Variants in VPS13B observed in about 807,000 individuals in gnomAD.
VPS13B encodes intermembrane lipid transfer protein VPS13B.
VPS13B carries 285 observed loss-of-function variants against 426.4 expected under a neutral mutation model. The ratio of observed to expected loss-of-function variants is 0.67; its 90% CI spans 0.61 to 0.74. The LOEUF (loss-of-function observed/expected upper bound fraction) is 0.74. Among genes scored for constraint, VPS13B ranks in the 30% least tolerant of loss-of-function variants. The pLI is 0.00. For synonymous variants in VPS13B, 1,676 were observed against 1,676.4 expected, an observed-to-expected ratio of 1.00 and a Z score of 0.01; for missense variants, 4,537 against 4,782.6, an observed-to-expected ratio of 0.95 and a Z score of 1.51.
intron 19 of VPS13B, chr8:99,340,389 G>T (rs1811176101): frequency 4.4e-6 from 2 of 452,612 alleles, no homozygotes; most frequent in Non-Finnish European, 8.8e-6. Flanking sequence ...AATCATCATG[G>T]TATATATTCT....
intron 54 of VPS13B, among the ~76,000 whole-genome samples, chr8:99,838,140 C>T (rs1815489484): frequency 6.6e-6 from 1 of 152,176 alleles, no homozygotes; most frequent in African/African-American, 2.4e-5. Context: ...TGTGAAGTTG[C>T]TGTGGGCTTT....
In VPS13B at chr8:99,227,136, G is replaced by T. The variant is rs187532300; in HGVS notation, c.2515+34079G>T. Among the ~76,000 whole-genome samples, 14 of 152,174 alleles carry T rather than the reference G, an allele frequency of 9.2e-5. No individual in the cohort carries two copies. The East Asian group carries it at 2.5e-3, about 27-fold the overall frequency. ...AGCTCTTACATATGACTGAGAAAAAGAAATATTTTATCATTAAGAAAAACC... is the reference window on the plus strand; with the variant it reads ...AGCTCTTACATATGACTGAGAAAAATAAATATTTTATCATTAAGAAAAACC... On this transcript the variant is annotated intron_variant, in intron 17 of 61. Coordinates refer to ENST00000357162, the MANE Select transcript of VPS13B (RefSeq NM_152564.5).
chr8:99,210,394 A>G (rs1274574724), intron 17 of VPS13B, among the ~76,000 whole-genome samples: 1 of 151,698 alleles, frequency 6.6e-6, no homozygotes, highest in African/African-American at 2.4e-5. Flanking sequence ...CTTCTGTGGC[A>G]CTCTGCAGTA....
At chr8:99,428,066 G>C (rs1483766379) in intron 21 of VPS13B, among the ~76,000 whole-genome samples, 1 of 152,122 alleles carries the variant, frequency 6.6e-6, no homozygotes, top group South Asian at 2.1e-4. Context: ...AATGGTGCTG[G>C]GAATACTGGC....
At chr8:99,362,544 AG>A (rs1252809708) in intron 19 of VPS13B, among the ~76,000 whole-genome samples, 1 of 152,174 alleles carries the variant, frequency 6.6e-6, no homozygotes, top group Non-Finnish European at 1.5e-5. Flanking sequence ...TAAATGATGA[AG>A]TAAGGGAAAA....
chr8:99,306,256 G>A (rs1298097463), intron 19 of VPS13B, among the ~76,000 whole-genome samples: 1 of 151,922 alleles, frequency 6.6e-6, no homozygotes, highest in Non-Finnish European at 1.5e-5. Context: ...GTGGGCAAGA[G>A]GCTAAGAATC....
At chr8:99,114,131 A>G (rs1847524784) in intron 6 of VPS13B, among the ~76,000 whole-genome samples, 1 of 138,418 alleles carries the variant, frequency 7.2e-6, no homozygotes, top group Admixed American at 7.5e-5. Context: ...AAAGATTTGT[A>G]TAATTGCAAA....
At chr8:99,792,396 G>T (rs1812586208) in intron 43 of VPS13B, among the ~76,000 whole-genome samples, 1 of 152,060 alleles carries the variant, frequency 6.6e-6, no homozygotes, top group African/African-American at 2.4e-5. Context: ...AAAGGTGAAG[G>T]GATTTTACAG....
At chr8:99,514,765 A>G (rs565306891) in intron 29 of VPS13B, among the ~76,000 whole-genome samples, 49 of 152,266 alleles carry the variant, frequency 3.2e-4, no homozygotes, top group Non-Finnish European at 6.9e-4. Context: ...AGTTTCTGTT[A>G]GAGGCCCTGT....
intron 59 of VPS13B, among the ~76,000 whole-genome samples, chr8:99,870,295 A>G (rs1335242279): frequency 6.6e-6 from 1 of 152,064 alleles, no homozygotes; most frequent in Non-Finnish European, 1.5e-5. Flanking sequence ...CAGCCTCTGG[A>G]GTAGCTAGGA....
At chr8:99,510,307 A>G (rs144299634) in intron 28 of VPS13B, among the ~76,000 whole-genome samples, 1 of 152,320 alleles carries the variant, frequency 6.6e-6, no homozygotes, top group East Asian at 1.9e-4. Flanking sequence ...CACAAATGTT[A>G]TATCCTATCT....
In VPS13B at chr8:99,876,095, T is replaced by TATTA. The variant is rs1378161320; in HGVS notation, c.*430_*433dup. The TATTA allele has an allele frequency of 6.5e-5, 4 of 61,814 alleles. No individual in the cohort carries two copies. Among genetic ancestry groups the TATTA allele is most frequent in the Non-Finnish European group, 2.6e-5 (1 of 38,590 alleles). 3.8% of individuals were successfully genotyped at this position (61,814 alleles called of 1,614,324 possible). On this transcript the variant is annotated 3_prime_UTR_variant, in exon 62 of 62. Coordinates refer to ENST00000357162, the MANE Select transcript of VPS13B (RefSeq NM_152564.5). ...ATCTCTACTGTAATTAATTTGGGTCTATTATTAACTCTCTGTTCCATCATA... is the reference window on the plus strand; with the variant it reads ...ATCTCTACTGTAATTAATTTGGGTCTATTAATTATTAACTCTCTGTTCCATCATA...
intron 24 of VPS13B, among the ~76,000 whole-genome samples, chr8:99,475,767 C>G (rs1819657704): frequency 6.6e-6 from 1 of 152,178 alleles, no homozygotes; most frequent in Non-Finnish European, 1.5e-5. Flanking sequence ...CTTCAGTTAT[C>G]TGGCTTCCAG....
chr8:99,275,304 T>A, intron 19 of VPS13B, 50 bp downstream of exon 19: 2 of 1,497,662 alleles, frequency 1.3e-6, no homozygotes, highest in Non-Finnish European at 1.8e-6. Context: ...TTTTTTTTTT[T>A]TTTCCAGAAA....
chr8:99,459,910 T>G (rs1818736792), intron 23 of VPS13B, among the ~76,000 whole-genome samples: 1 of 152,186 alleles, frequency 6.6e-6, no homozygotes, highest in African/African-American at 2.4e-5. Flanking sequence ...CTGTTATTAA[T>G]TATAGCTACT....
At chr8:99,640,407 CAG>C (rs1829310739) in intron 33 of VPS13B, among the ~76,000 whole-genome samples, 1 of 151,998 alleles carries the variant, frequency 6.6e-6, no homozygotes, top group African/African-American at 2.4e-5. Context: ...GCTGGGACCA[CAG>C]GGGCACACCA....
chr8:99,649,318 T>C (rs1829713326), intron 34 of VPS13B, among the ~76,000 whole-genome samples: 2 of 152,114 alleles, frequency 1.3e-5, no homozygotes, highest in Non-Finnish European at 1.5e-5. Flanking sequence ...TCAAATAGTC[T>C]TTCTGCACCA....
At chr8:99,082,714 A>G (rs553121167) in intron 3 of VPS13B, among the ~76,000 whole-genome samples, 21 of 152,328 alleles carry the variant, frequency 1.4e-4, no homozygotes, top group African/African-American at 5.0e-4. Flanking sequence ...TTTATTAAAT[A>G]GGGAATCGTT....
intron 17 of VPS13B, among the ~76,000 whole-genome samples, chr8:99,194,782 T>C (rs1813813545): frequency 6.6e-6 from 1 of 152,154 alleles, no homozygotes; most frequent in South Asian, 2.1e-4. Flanking sequence ...AGAAGTGGGA[T>C]TGCTTATATT....
Sources: gnomAD v4.1 joint callset for allele counts (sites outside exome capture counted in the v4.1 genomes callset) on GRCh38, gnomAD v4.1.1 for gene constraint, MANE v1.5 for transcripts, NCBI Gene and HGNC (gene_info 2026-07-23, HGNC 2026-07-21) for gene names.